Variants in MACROD2 observed in about 807,000 individuals in gnomAD.
MACROD2 encodes ADP-ribose glycohydrolase MACROD2.
A neutral mutation model predicts 70.4 loss-of-function variants in MACROD2; 36 were observed. That is an observed-to-expected ratio of 0.51 (90% CI 0.39 to 0.68). MACROD2 has a LOEUF of 0.68. MACROD2 is among the 30% of genes least tolerant of loss of function. The pLI is 0.00. For synonymous variants in MACROD2, 172 were observed against 178.8 expected (o/e 0.96, Z 0.30); for missense variants, 496 against 538.4 (o/e 0.92, Z 0.78).
chr20:14,277,832 C>T (rs2082272746), intron 3 of MACROD2, among the ~76,000 whole-genome samples: 1 of 152,160 alleles, frequency 6.6e-6, no homozygotes, highest in South Asian at 2.1e-4. Flanking sequence ...ATTCTTTTCT[C>T]ACTCTGTAAT....
At chr20:15,386,272 G>T (rs983132360) in intron 6 of MACROD2, among the ~76,000 whole-genome samples, 11 of 152,116 alleles carry the variant, frequency 7.2e-5, no homozygotes, top group African/African-American at 1.9e-4. Context: ...TTCAACAATA[G>T]TTCAACTTAC....
intron 2 of MACROD2, among the ~76,000 whole-genome samples, chr20:14,074,180 C>T (rs1286914829): frequency 6.6e-6 from 1 of 152,136 alleles, no homozygotes; most frequent in African/African-American, 2.4e-5. Flanking sequence ...GCTATAAATT[C>T]CCACTTGTTC....
intron 12 of MACROD2, among the ~76,000 whole-genome samples, chr20:15,956,712 C>A (rs2065982127): frequency 6.6e-6 from 1 of 152,112 alleles, no homozygotes; most frequent in South Asian, 2.1e-4. Context: ...GTCCCTACCC[C>A]AGACCTTCAG....
chr20:15,294,120 T>TAAAAA (rs10644931), intron 6 of MACROD2, among the ~76,000 whole-genome samples: 3 of 118,352 alleles, frequency 2.5e-5, no homozygotes, highest in African/African-American at 3.2e-5. Context: ...AAACTCTGTC[T>TAAAAA]AAAAAAAAAA....
At chr20:15,191,257 A>G (rs1890421741) in intron 5 of MACROD2, among the ~76,000 whole-genome samples, 1 of 152,134 alleles carries the variant, frequency 6.6e-6, no homozygotes, top group Non-Finnish European at 1.5e-5. Flanking sequence ...CCCAGCCCCC[A>G]GTGGTTGAGG....
In MACROD2 at chr20:14,169,458, C is replaced by T. The variant is rs576263895; in HGVS notation, c.271+83730C>T. On this transcript the variant is annotated intron_variant, in intron 3 of 17. Transcript: ENST00000684519. Reference sequence around the variant, plus strand: ...TAGCTGGGATTACAGGCATGTGCCACCACGCCAAGCTAATTTTGTATTTTT... The same window carrying T: ...TAGCTGGGATTACAGGCATGTGCCATCACGCCAAGCTAATTTTGTATTTTT... Among the ~76,000 whole-genome samples the T allele has an allele frequency of 3.8e-3, 563 of 149,974 alleles. 3 individuals are homozygous for T. Among genetic ancestry groups the T allele is most frequent in the African/African-American group, 0.012 (490 of 41,136 alleles).
At chr20:15,439,500 C>T (rs985650333) in intron 7 of MACROD2, among the ~76,000 whole-genome samples, 12 of 152,152 alleles carry the variant, frequency 7.9e-5, no homozygotes, top group Non-Finnish European at 1.6e-4. Context: ...GGCGCCAGTA[C>T]TTTGGGGGTG....
intron 3 of MACROD2, among the ~76,000 whole-genome samples, chr20:14,347,398 T>C (rs1247284805): frequency 6.6e-6 from 1 of 152,150 alleles, no homozygotes; most frequent in Non-Finnish European, 1.5e-5. Flanking sequence ...GTACGTAGAT[T>C]TGGGCTAAAT....
intron 6 of MACROD2, among the ~76,000 whole-genome samples, chr20:15,362,550 T>A (rs1317373438): frequency 6.6e-6 from 1 of 152,088 alleles, no homozygotes; most frequent in Non-Finnish European, 1.5e-5. Context: ...TCGATACAAT[T>A]TTTTTTTCTT....
intron 5 of MACROD2, among the ~76,000 whole-genome samples, chr20:15,121,139 A>G (rs750928752): frequency 1.3e-5 from 2 of 152,224 alleles, no homozygotes; most frequent in Non-Finnish European, 2.9e-5. Context: ...AAAACCAGTT[A>G]TATCTACTTC....
chr20:15,267,807 G>C (rs6034139), intron 6 of MACROD2, among the ~76,000 whole-genome samples: 3 of 152,156 alleles, frequency 2.0e-5, no homozygotes, highest in Admixed American at 2.0e-4. Context: ...TTGCGGAGGT[G>C]GGGAGGAGCC....
At chr20:15,942,216 C>G (rs1387250104) in intron 12 of MACROD2, among the ~76,000 whole-genome samples, 4 of 152,144 alleles carry the variant, frequency 2.6e-5, no homozygotes, top group African/African-American at 9.7e-5. Context: ...GGAGATGCAA[C>G]TGACTGGCTC....
At chr20:14,435,307 C>T (rs1387220605) in intron 3 of MACROD2, among the ~76,000 whole-genome samples, 3 of 152,098 alleles carry the variant, frequency 2.0e-5, no homozygotes. Flanking sequence ...AGATTTAGAA[C>T]CCACCCACAT....
intron 4 of MACROD2, among the ~76,000 whole-genome samples, chr20:14,649,511 G>A (rs192189978): frequency 6.6e-6 from 1 of 152,242 alleles, no homozygotes; most frequent in Non-Finnish European, 1.5e-5. Context: ...TCCCGAAGAG[G>A]AGTTTGCATT....
intron 5 of MACROD2, among the ~76,000 whole-genome samples, chr20:15,203,893 G>A (rs2076678646): frequency 6.6e-6 from 1 of 151,930 alleles, no homozygotes; most frequent in African/African-American, 2.4e-5. Flanking sequence ...CACACAGATA[G>A]TAATGAATAG....
At chr20:15,383,828 A>T (rs2045676137) in intron 6 of MACROD2, among the ~76,000 whole-genome samples, 1 of 152,176 alleles carries the variant, frequency 6.6e-6, no homozygotes. Flanking sequence ...ATAATAGTAT[A>T]TTGGCTTCCA....
intron 3 of MACROD2, among the ~76,000 whole-genome samples, chr20:14,253,089 C>A (rs989692299): frequency 6.6e-6 from 1 of 151,888 alleles, no homozygotes; most frequent in Admixed American, 6.6e-5. Context: ...TGGTACATTT[C>A]GAAGGGTACA....
chr20:14,380,285 T>C (rs890554670), intron 3 of MACROD2, among the ~76,000 whole-genome samples: 7 of 152,158 alleles, frequency 4.6e-5, no homozygotes, highest in African/African-American at 1.4e-4. Context: ...TTTGCCCATT[T>C]TTTAGTTGGG....
At chr20:15,868,094 G>A (rs2064519383) in intron 9 of MACROD2, among the ~76,000 whole-genome samples, 1 of 152,196 alleles carries the variant, frequency 6.6e-6, no homozygotes, top group African/African-American at 2.4e-5. Context: ...CAGAGGTTGA[G>A]AGGCTCCATC....
Sources: gnomAD v4.1 joint callset for allele counts (sites outside exome capture counted in the v4.1 genomes callset) on GRCh38, gnomAD v4.1.1 for gene constraint, MANE v1.5 for transcripts, NCBI Gene and HGNC (gene_info 2026-07-23, HGNC 2026-07-21) for gene names.